Variants in PCDH9 observed in about 807,000 individuals in gnomAD.
The protein encoded by PCDH9 is protocadherin-9.
In PCDH9, 24 loss-of-function variants were observed where a neutral mutation model predicts 70.6. That is an observed-to-expected ratio of 0.34 (90% CI 0.25 to 0.48). The LOEUF (loss-of-function observed/expected upper bound fraction) is 0.48, where lower values mean the gene tolerates loss of function less well. Among genes scored for constraint, PCDH9 ranks in the 20% least tolerant of loss-of-function variants. The pLI, the probability that PCDH9 is intolerant of heterozygous loss-of-function variation, is 0.99. For missense variants in PCDH9, 1,281 were observed against 1,503.6 expected, an observed-to-expected ratio of 0.85 and a Z score of 2.45; for synonymous variants, 562 against 558.5, an observed-to-expected ratio of 1.01 and a Z score of -0.09.
intron 2 of PCDH9, among the ~76,000 whole-genome samples, chr13:67,170,699 C>T (rs567670722): frequency 1.6e-4 from 24 of 152,142 alleles, no homozygotes; most frequent in Non-Finnish European, 2.8e-4. Flanking sequence ...TCGAGGCCGG[C>T]GGAATGCTTG....
intron 4 of PCDH9, among the ~76,000 whole-genome samples, chr13:66,358,416 G>A (rs935393444): frequency 4.0e-5 from 6 of 151,882 alleles, no homozygotes; most frequent in African/African-American, 9.7e-5. Context: ...AAAAAATCTC[G>A]CTATATGAGG....
chr13:66,407,090 G>C, intron 4 of PCDH9, among the ~76,000 whole-genome samples: 1 of 152,160 alleles, frequency 6.6e-6, no homozygotes, highest in Middle Eastern at 3.2e-3. Flanking sequence ...ACACTTAAAA[G>C]CATTAGAGGG....
At chr13:66,615,950 T>C (rs1206492374) in intron 4 of PCDH9, among the ~76,000 whole-genome samples, 2 of 152,240 alleles carry the variant, frequency 1.3e-5, no homozygotes, top group East Asian at 3.8e-4. Context: ...ATTTTTCTTT[T>C]GCAACAGGAC....
intron 4 of PCDH9, among the ~76,000 whole-genome samples, chr13:66,570,076 T>A (rs1283861633): frequency 6.6e-6 from 1 of 152,122 alleles, no homozygotes; most frequent in African/African-American, 2.4e-5. Context: ...TATGCACCAA[T>A]TAAAAAGCGT....
chr13:66,672,639 TG>T (rs760917276), intron 3 of PCDH9, among the ~76,000 whole-genome samples: 4 of 152,184 alleles, frequency 2.6e-5, no homozygotes, highest in Non-Finnish European at 4.4e-5. Flanking sequence ...AACATCAGCC[TG>T]TGAAAGCAGT....
intron 4 of PCDH9, among the ~76,000 whole-genome samples, chr13:66,609,256 A>T (rs182713852): frequency 6.6e-6 from 1 of 152,322 alleles, no homozygotes; most frequent in East Asian, 1.9e-4. Context: ...GAAAATAAAA[A>T]ATATGCTCCA....
At chr13:67,192,087 G>T (rs1318303476) in intron 2 of PCDH9, among the ~76,000 whole-genome samples, 1 of 151,620 alleles carries the variant, frequency 6.6e-6, no homozygotes, top group Non-Finnish European at 1.5e-5. Context: ...ATAATTAAAA[G>T]AATTGCTGGA....
At chr13:66,946,138 T>A (rs2083084221) in intron 2 of PCDH9, among the ~76,000 whole-genome samples, 1 of 152,146 alleles carries the variant, frequency 6.6e-6, no homozygotes, top group Admixed American at 6.6e-5. Context: ...TTTTGTGAGA[T>A]GCCTGAGCAT....
At chr13:66,779,902 T>TGTGTGTGC (rs1555268248) in intron 3 of PCDH9, among the ~76,000 whole-genome samples, 1 of 146,520 alleles carries the variant, frequency 6.8e-6, no homozygotes, top group Non-Finnish European at 1.5e-5. Flanking sequence ...TGTGTGTGTG[T>TGTGTGTGC]CCGATATATA....
intron 4 of PCDH9, among the ~76,000 whole-genome samples, chr13:66,454,013 C>A (rs983007268): frequency 5.9e-5 from 9 of 151,750 alleles, no homozygotes; most frequent in African/African-American, 2.2e-4. Flanking sequence ...TGAATATATA[C>A]CTTGGGAACT....
chr13:66,520,691 T>C (rs562260112), intron 4 of PCDH9, among the ~76,000 whole-genome samples: 1 of 152,342 alleles, frequency 6.6e-6, no homozygotes, highest in Non-Finnish European at 1.5e-5. Flanking sequence ...CCTCAGGGCT[T>C]ATCAAGTCCA....
intron 3 of PCDH9, among the ~76,000 whole-genome samples, chr13:66,888,275 A>C (rs1019383740): frequency 2.0e-5 from 3 of 152,114 alleles, no homozygotes; most frequent in Non-Finnish European, 4.4e-5. Flanking sequence ...TGGGAGGATC[A>C]CTTGAGCCCA....
rs186432413 is a variant in PCDH9, at chr13:66,336,131, C to T, written c.3341-31103G>A. Among the ~76,000 whole-genome samples the T allele has an allele frequency of 3.0e-3, 462 of 152,156 alleles. 1 individual carries two copies. Among genetic ancestry groups the T allele is most frequent in the African/African-American group, 0.011 (448 of 41,536 alleles). ...CCCATCTGAGGACTCTATAGGAATC[C>T]ACTCCCTATGCACAGGAGTGATAGG... On this transcript the variant is annotated intron_variant, in intron 4 of 4. Transcript: ENST00000377865.
intron 3 of PCDH9, among the ~76,000 whole-genome samples, chr13:66,633,560 T>G (rs1012984458): frequency 6.6e-6 from 1 of 152,190 alleles, no homozygotes; most frequent in Admixed American, 6.5e-5. Flanking sequence ...TATGGATGAC[T>G]GTCAAACATA....
intron 2 of PCDH9, among the ~76,000 whole-genome samples, chr13:67,190,781 CCTT>C: frequency 6.6e-6 from 1 of 151,928 alleles, no homozygotes; most frequent in East Asian, 1.9e-4. Flanking sequence ...ATAGCAAAAC[CCTT>C]CTTATCTCCC....
intron 2 of PCDH9, among the ~76,000 whole-genome samples, chr13:67,073,173 T>C (rs527263989): frequency 6.6e-6 from 1 of 152,244 alleles, no homozygotes; most frequent in South Asian, 2.1e-4. Flanking sequence ...CCTAAAGATC[T>C]GAATTTGTAT....
chr13:66,931,577 G>A (rs1454352609), intron 2 of PCDH9, among the ~76,000 whole-genome samples: 1 of 152,042 alleles, frequency 6.6e-6, no homozygotes, highest in South Asian at 2.1e-4. Flanking sequence ...TGGTGGTGGG[G>A]GGGAAGGAAG....
At chr13:67,008,094 G>T (rs1340203491) in intron 2 of PCDH9, among the ~76,000 whole-genome samples, 6 of 152,020 alleles carry the variant, frequency 3.9e-5, no homozygotes, top group Admixed American at 1.3e-4. Flanking sequence ...ATCAGTGTCA[G>T]ATACAGTTGC....
chr13:67,156,998 G>C (rs993840693), intron 2 of PCDH9, among the ~76,000 whole-genome samples: 1 of 152,202 alleles, frequency 6.6e-6, no homozygotes, highest in African/African-American at 2.4e-5. Context: ...TTTCCTCAGA[G>C]CGTTCAACAT....
Sources: gnomAD v4.1 joint callset for allele counts (sites outside exome capture counted in the v4.1 genomes callset) on GRCh38, gnomAD v4.1.1 for gene constraint, MANE v1.5 for transcripts, NCBI Gene and HGNC (gene_info 2026-07-23, HGNC 2026-07-21) for gene names.